The following ZNF474 variants were observed in gnomAD, a reference collection of about 807,000 sequenced individuals.
ZNF474 encodes zinc finger protein 474.
For synonymous variants in ZNF474, 192 were observed against 162.2 expected (o/e 1.18, Z -1.39); for missense variants, 511 against 433.8 (o/e 1.18, Z -1.58).
chr5:122,136,927 C>A (rs1039097669), intron 1 of ZNF474, among the ~76,000 whole-genome samples: 2 of 152,250 alleles, frequency 1.3e-5, no homozygotes, highest in Admixed American at 6.5e-5. Context: ...TGGCACTGGG[C>A]GAGGTGCTGG....
chr5:122,149,920 T>TGAGA (rs369962675), intron 1 of ZNF474, among the ~76,000 whole-genome samples: 4 of 134,010 alleles, frequency 3.0e-5, no homozygotes, highest in East Asian at 2.2e-4. Context: ...TGTGCGCGCG[T>TGAGA]GAGAGAGAGA....
intron 1 of ZNF474, among the ~76,000 whole-genome samples, chr5:122,144,052 A>G (rs1053586885): frequency 1.3e-5 from 2 of 152,024 alleles, no homozygotes; most frequent in African/African-American, 4.8e-5. Flanking sequence ...AGTTATGTAT[A>G]TATTATCTTC....
In ZNF474 at chr5:122,148,972, C is replaced by T. The variant is rs577927392; in HGVS notation, c.-212-2807C>T. ...CTCAAACTCCAGACCTCAGGTGATCCGCCCACCTCGGCCTCCCAAAGTGCT... is the reference window on the plus strand; with the variant it reads ...CTCAAACTCCAGACCTCAGGTGATCTGCCCACCTCGGCCTCCCAAAGTGCT... On this transcript the variant is annotated intron_variant, in intron 1 of 1. Coordinates refer to ENST00000296600, the MANE Select transcript of ZNF474 (RefSeq NM_207317.3). Among the ~76,000 whole-genome samples the T allele has an allele frequency of 1.5e-4, 23 of 152,170 alleles. No individual in the cohort carries two copies. In the East Asian group the frequency reaches 1.7e-3, roughly 12 times the overall value.
At chr5:122,130,592 T>G (rs1316457914) in intron 1 of ZNF474, among the ~76,000 whole-genome samples, 3 of 152,164 alleles carry the variant, frequency 2.0e-5, no homozygotes, top group Non-Finnish European at 2.9e-5. Context: ...TGATTGGTAG[T>G]TTGTTTGTTT....
intron 1 of ZNF474, among the ~76,000 whole-genome samples, chr5:122,136,365 T>C (rs1285335254): frequency 6.6e-6 from 1 of 152,172 alleles, no homozygotes; most frequent in African/African-American, 2.4e-5. Flanking sequence ...TCAGAACATA[T>C]GTGGTCAAGA....
intron 1 of ZNF474, among the ~76,000 whole-genome samples, chr5:122,133,567 T>A (rs1561436602): frequency 6.6e-6 from 1 of 152,206 alleles, no homozygotes; most frequent in Non-Finnish European, 1.5e-5. Context: ...TATTCATTCA[T>A]TCATTTCTTT....
chr5:122,137,955 G>A (rs1276121296), intron 1 of ZNF474, among the ~76,000 whole-genome samples: 2 of 152,232 alleles, frequency 1.3e-5, no homozygotes, highest in Admixed American at 6.5e-5. Context: ...CCGTTCACCT[G>A]CCTGGCATTA....
At chr5:122,133,313 C>T (rs1470982904) in intron 1 of ZNF474, among the ~76,000 whole-genome samples, 2 of 152,084 alleles carry the variant, frequency 1.3e-5, no homozygotes, top group South Asian at 2.1e-4. Context: ...AGCTCTGTTT[C>T]CTGTTTAACA....
At chr5:122,151,219 G>A (rs988615432) in intron 1 of ZNF474, among the ~76,000 whole-genome samples, 3 of 152,116 alleles carry the variant, frequency 2.0e-5, no homozygotes, top group Non-Finnish European at 4.4e-5. Flanking sequence ...AATTATTTCA[G>A]TAAAACTGAT....
At position 122,152,162 on chromosome 5, in the gene ZNF474, A is replaced by C; in HGVS notation, c.172A>C (p.Thr58Pro). ...TCCTGGTGAAAATATAAAGACAGAC[A>C]CTCAGAAAAAGAGACCTGGGACTGT... Reference protein sequence around the residue: ...VNPGENIKTDTQKKRPGTVIL... With the variant: ...VNPGENIKTDPQKKRPGTVIL... Residue 58 changes from threonine to proline, a missense_variant, in exon 2 of 2, where the codon ACT (threonine) becomes CCT (proline). Physicochemically the swap from Thr to Pro is conservative, Grantham distance 38. Transcript: ENST00000296600. 6.8e-6 allele frequency: 11 copies of C among 1,614,142 alleles called. No homozygotes were observed. The highest frequency in any genetic ancestry group is 7.6e-6 in the Non-Finnish European group (9 of 1,180,030).
chr5:122,148,798 G>A (rs538928932), intron 1 of ZNF474, among the ~76,000 whole-genome samples: 7 of 151,596 alleles, frequency 4.6e-5, no homozygotes, highest in East Asian at 1.9e-4. Context: ...GTGCAATGGC[G>A]CGATCTTGGC....
chr5:122,137,446 C>CAAAA (rs1166694085), intron 1 of ZNF474, among the ~76,000 whole-genome samples: 314 of 11,610 alleles, frequency 0.027, 76 homozygotes, highest in African/African-American at 0.041. Context: ...GACTCTGTCT[C>CAAAA]AAAAAAAAAA....
intron 1 of ZNF474, among the ~76,000 whole-genome samples, chr5:122,146,790 C>T (rs1363254381): frequency 6.6e-6 from 1 of 152,222 alleles, no homozygotes; most frequent in African/African-American, 2.4e-5. Context: ...TCTGTCATAT[C>T]AAGTGTTACA....
chr5:122,134,672 A>G (rs1755656932), intron 1 of ZNF474, among the ~76,000 whole-genome samples: 1 of 152,184 alleles, frequency 6.6e-6, no homozygotes, highest in Non-Finnish European at 1.5e-5. Flanking sequence ...ATGTTCAAGG[A>G]GTTCTGATGA....
chr5:122,150,025 TA>T (rs893229839), intron 1 of ZNF474, among the ~76,000 whole-genome samples: 2 of 152,110 alleles, frequency 1.3e-5, no homozygotes, highest in African/African-American at 2.4e-5. Flanking sequence ...TTGATTTTTC[TA>T]ATCTGTCTTC....
At chr5:122,134,258 G>A (rs1210645344) in intron 1 of ZNF474, among the ~76,000 whole-genome samples, 1 of 152,138 alleles carries the variant, frequency 6.6e-6, no homozygotes, top group South Asian at 2.1e-4. Flanking sequence ...AAAAAGAATG[G>A]CAAAGTGCAA....
rs771220784 is a variant in ZNF474, at chr5:122,153,128, C to T, written c.*43C>T. 2 of 1,553,110 alleles carry T rather than the reference C, an allele frequency of 1.3e-6. No individual in the cohort carries two copies. Among genetic ancestry groups the T allele is most frequent in the Admixed American group, 4.0e-5 (2 of 49,932 alleles). ...ATCCCCAGAATCAGCCACCTCAGCC[C>T]CTAGTATTTTTTCTATCAATGCCTT... On this transcript the variant is annotated 3_prime_UTR_variant, in exon 2 of 2. Coordinates refer to ENST00000296600, the MANE Select transcript of ZNF474 (RefSeq NM_207317.3).
At chr5:122,144,061 T>C (rs1247392764) in intron 1 of ZNF474, among the ~76,000 whole-genome samples, 1 of 152,174 alleles carries the variant, frequency 6.6e-6, no homozygotes, top group Non-Finnish European at 1.5e-5. Context: ...TATATTATCT[T>C]CTATAACCCT....
intron 1 of ZNF474, among the ~76,000 whole-genome samples, chr5:122,143,033 T>C (rs974583130): frequency 2.8e-4 from 42 of 152,224 alleles, no homozygotes; most frequent in African/African-American, 9.9e-4. Flanking sequence ...ACAAAGGGTG[T>C]TGATGTCTGT....
Sources: allele counts gnomAD v4.1 joint callset (sites outside exome capture counted in the v4.1 genomes callset), GRCh38; gene constraint gnomAD v4.1.1; transcripts MANE v1.5; gene names NCBI Gene and HGNC (gene_info 2026-07-23, HGNC 2026-07-21).